C3orf20: variants seen among roughly 807,000 people sequenced by gnomAD.
The protein encoded by C3orf20 is uncharacterized protein C3orf20.
Under a neutral mutation model 88.3 loss-of-function variants are expected in C3orf20, and 76 were observed. The ratio of observed to expected loss-of-function variants is 0.86; its 90% CI spans 0.72 to 1.04. The LOEUF (loss-of-function observed/expected upper bound fraction) is 1.04. Among genes scored for constraint, C3orf20 ranks in the 50% least tolerant of loss-of-function variants. The pLI, the probability that C3orf20 is intolerant of heterozygous loss-of-function variation, is 0.00. For missense variants in C3orf20, 1,056 were observed against 1,123.3 expected (o/e 0.94, Z 0.86); for synonymous variants, 436 against 437.4 (o/e 1.00, Z 0.04).
At chr3:14,720,666 G>A (rs2034125346) in intron 9 of C3orf20, among the ~76,000 whole-genome samples, 1 of 152,168 alleles carries the variant, frequency 6.6e-6, no homozygotes, top group South Asian at 2.1e-4. Flanking sequence ...GAGAAGCACA[G>A]CAGTGTAGGG....
At chr3:14,702,440 C>CTTTT (rs34341509) in intron 5 of C3orf20, among the ~76,000 whole-genome samples, 1 of 116,584 alleles carries the variant, frequency 8.6e-6, no homozygotes, top group African/African-American at 3.2e-5. Flanking sequence ...CCTCACATAT[C>CTTTT]TTTTTTTTTT....
chr3:14,741,013 A>C (rs1225997273), intron 12 of C3orf20, among the ~76,000 whole-genome samples: 1 of 152,172 alleles, frequency 6.6e-6, no homozygotes, highest in African/African-American at 2.4e-5. Context: ...CTTTGTATCT[A>C]ATATTCTTTA....
chr3:14,736,568 G>A (rs1018474907), intron 12 of C3orf20, among the ~76,000 whole-genome samples: 2 of 151,406 alleles, frequency 1.3e-5, no homozygotes, highest in African/African-American at 2.4e-5. Flanking sequence ...TATGATTACA[G>A]GCATGAGCCA....
intron 5 of C3orf20, among the ~76,000 whole-genome samples, chr3:14,699,764 T>C (rs2033170043): frequency 6.6e-6 from 1 of 152,208 alleles, no homozygotes; most frequent in African/African-American, 2.4e-5. Flanking sequence ...CCCCAGCTGG[T>C]GTCTCAGTAG....
At chr3:14,706,739 C>G (rs2033518678) in intron 7 of C3orf20, among the ~76,000 whole-genome samples, 1 of 152,048 alleles carries the variant, frequency 6.6e-6, no homozygotes, top group Non-Finnish European at 1.5e-5. Flanking sequence ...CCTCACTTCC[C>G]TTGATTATAA....
At chr3:14,766,772 C>G (rs1402576943) in intron 15 of C3orf20, among the ~76,000 whole-genome samples, 1 of 152,210 alleles carries the variant, frequency 6.6e-6, no homozygotes, top group South Asian at 2.1e-4. Flanking sequence ...AGCCTGCCAG[C>G]ACCCAGGATG....
intron 12 of C3orf20, among the ~76,000 whole-genome samples, chr3:14,749,275 A>T (rs1382220446): frequency 6.6e-6 from 1 of 151,966 alleles, no homozygotes; most frequent in African/African-American, 2.4e-5. Context: ...ACTCCTGGTT[A>T]TTTTTTTCCT....
chr3:14,684,201 A>C (rs935086315), intron 3 of C3orf20, 41 bp from the exon 4 acceptor site: 1 of 1,609,218 alleles, frequency 6.2e-7, no homozygotes, highest in Non-Finnish European at 8.5e-7. Flanking sequence ...CATTAGCCCC[A>C]TGCTAGGAGG....
chr3:14,761,683 G>A, intron 15 of C3orf20, 68 bp downstream of exon 15: 1 of 1,569,782 alleles, frequency 6.4e-7, no homozygotes, highest in Middle Eastern at 1.9e-4. Context: ...AGGAGACTTG[G>A]GCTGTGAAAG....
chr3:14,761,357 A>G, intron 14 of C3orf20, 116 bp from the exon 15 acceptor site: 1 of 1,241,140 alleles, frequency 8.1e-7, no homozygotes, highest in Admixed American at 1.8e-5. Context: ...TCACGGCGTA[A>G]GCTCTGAGAG....
chr3:14,714,264 C>T lies in C3orf20; in HGVS notation c.1313+105C>T, dbSNP rs996541236. On this transcript the variant is annotated intron_variant, in intron 8 of 16. Coordinates refer to ENST00000253697, the MANE Select transcript of C3orf20 (RefSeq NM_032137.5). ...GTCCCTGGTTAAAGAAGAAGCCAGGCGGTGTCCAGAGATCTAGTAAGGCAG... is the reference window on the plus strand; with the variant it reads ...GTCCCTGGTTAAAGAAGAAGCCAGGTGGTGTCCAGAGATCTAGTAAGGCAG... 46 of 1,294,144 alleles carry T rather than the reference C, an allele frequency of 3.6e-5. No homozygotes were observed. The Admixed American group carries it at 6.4e-4, about 18-fold the overall frequency. The allele number at this position is 1,294,144 out of a possible 1,614,324, so 80.2% of individuals were successfully genotyped here. A position where few individuals can be genotyped will look rare whatever the true frequency, so the allele number is the denominator to read the frequency against.
At chr3:14,727,827 A>T (rs973767115) in intron 11 of C3orf20, among the ~76,000 whole-genome samples, 1 of 152,130 alleles carries the variant, frequency 6.6e-6, no homozygotes, top group African/African-American at 2.4e-5. Context: ...CTAATTATAC[A>T]TCTTACTACT....
At chr3:14,760,689 A>G (rs1476900021) in intron 14 of C3orf20, among the ~76,000 whole-genome samples, 1 of 144,246 alleles carries the variant, frequency 6.9e-6, no homozygotes, top group Non-Finnish European at 1.5e-5. Flanking sequence ...GGCTCACTGC[A>G]ACCTCTGCCT....
chr3:14,704,299 C>G, intron 6 of C3orf20, 38 bp from the exon 7 acceptor site: 1 of 1,605,158 alleles, frequency 6.2e-7, no homozygotes, highest in Non-Finnish European at 8.5e-7. Flanking sequence ...GCTTGAGAAC[C>G]AAAAGGCTAG....
chr3:14,719,127 T>TG, intron 9 of C3orf20, among the ~76,000 whole-genome samples: 1 of 85,680 alleles, frequency 1.2e-5, no homozygotes, highest in South Asian at 5.2e-4. Flanking sequence ...GGGTCATTGT[T>TG]TTTTTTTTTT....
chr3:14,728,924 C>T (rs915269717), intron 12 of C3orf20, among the ~76,000 whole-genome samples: 1 of 152,114 alleles, frequency 6.6e-6, no homozygotes, highest in African/African-American at 2.4e-5. Context: ...CCAAATTTGG[C>T]CCAGCTGCCA....
In C3orf20 at chr3:14,768,513, G is replaced by A. The variant is rs1399610164; in HGVS notation, c.2496-3554G>A. ...GGGAGCTAATGAAGGTTCTTGAGCT[G>A]AGAGAGACTTGATCAGAGTTGGGCT... On this transcript the variant is annotated intron_variant, in intron 15 of 16. Coordinates refer to ENST00000253697, the MANE Select transcript of C3orf20 (RefSeq NM_032137.5). This position sits in a 1 kb window ranked among gnomAD's most constrained non-coding sequence, Gnocchi z 4.1. Among the ~76,000 whole-genome samples, 1 of 152,054 alleles carries A rather than the reference G, an allele frequency of 6.6e-6. No homozygotes were observed. Among genetic ancestry groups the A allele is most frequent in the Non-Finnish European group, 1.5e-5 (1 of 68,034 alleles).
In C3orf20 at chr3:14,728,463, C is replaced by A. The variant is rs1203227118; in HGVS notation, c.1715C>A (p.Thr572Asn). 1 of 1,614,116 alleles carries A rather than the reference C, an allele frequency of 6.2e-7. No homozygotes were observed. The highest frequency in any genetic ancestry group is 8.5e-7 in the Non-Finnish European group (1 of 1,180,016). The change falls in exon 12 of 17, where the codon ACC (threonine) becomes AAC (asparagine). Residue 572 changes from threonine to asparagine, a missense_variant. Thr to Asn is a moderately conservative substitution (Grantham distance 65, BLOSUM62 0). Transcript: ENST00000253697. ...AAGLFTIEYP[T>N]KKEEEEFVRF... ...GGTCTGTTTACCATTGAATATCCCA[C>A]CAAAAAGGAGGAGGAAGAATTTGTT...
At position 14,761,615 on chromosome 3, in the gene C3orf20, G is replaced by A. The variant is rs1046269084; in HGVS notation, c.2495G>A (p.Ser832Asn). ...TTCCTGCCGGATGACTACAAATTCA[G>A]GTAAAACAGGAAACACGCAGGATGA... is the stretch of plus-strand genomic sequence containing the variant. ...GYFLPDDYKF[S>N]VPNSVLSLED... Residue 832 changes from serine to asparagine, a missense_variant and splice_region_variant, in exon 15 of 17, where the codon AGT (serine) becomes AAT (asparagine). Transcript: ENST00000253697. 55 of 1,613,928 alleles carry A rather than the reference G, an allele frequency of 3.4e-5. No homozygotes were observed. Among genetic ancestry groups the A allele is most frequent in the Non-Finnish European group, 4.5e-5 (53 of 1,179,940 alleles).
Sources: allele counts gnomAD v4.1 joint callset (sites outside exome capture counted in the v4.1 genomes callset), GRCh38; gene constraint gnomAD v4.1.1; non-coding constraint Gnocchi (gnomAD v3.1); transcripts MANE v1.5; gene names NCBI Gene and HGNC (gene_info 2026-07-23, HGNC 2026-07-21).